Variants in PITPNC1 observed in about 807,000 individuals in gnomAD.
PITPNC1 encodes phosphatidylinositol transfer protein cytoplasmic 1.
Under a neutral mutation model 44.7 loss-of-function variants are expected in PITPNC1, and 18 were observed. The observed-to-expected ratio is 0.40, with a 90% confidence interval of 0.28 to 0.60. The LOEUF is 0.60. Ranked by LOEUF, PITPNC1 falls within the 20% of genes least tolerant of loss-of-function variation. The pLI is 0.39. For synonymous variants in PITPNC1, 141 were observed against 149.6 expected (o/e 0.94, Z 0.42); for missense variants, 290 against 418.4 (o/e 0.69, Z 2.68).
intron 1 of PITPNC1, among the ~76,000 whole-genome samples, chr17:67,454,986 A>C (rs1340440405): frequency 6.6e-6 from 1 of 151,716 alleles, no homozygotes; most frequent in Non-Finnish European, 1.5e-5. Context: ...GGCCTGGCTA[A>C]TTTTTATTAT....
chr17:67,454,216 A>G lies in PITPNC1; in HGVS notation c.48+76014A>G, dbSNP rs536911705. ...CAGTGAGCCAAGATTGTGCCACTGC[A>G]CTATAGCCTGGGACACAGAGCAAGA... On this transcript the variant is annotated intron_variant, in intron 1 of 8. Coordinates refer to ENST00000581322, the MANE Select transcript of PITPNC1 (RefSeq NM_012417.4). Among the ~76,000 whole-genome samples the G allele has an allele frequency of 4.0e-5, 6 of 151,724 alleles. No individual in the cohort carries two copies. In the East Asian group the frequency reaches 7.8e-4, roughly 20 times the overall value.
chr17:67,545,118 C>G (rs2040660172), intron 2 of PITPNC1, among the ~76,000 whole-genome samples: 2 of 151,842 alleles, frequency 1.3e-5, no homozygotes, highest in Admixed American at 1.3e-4. Context: ...TCGAGACAAG[C>G]CTGGGCAACA....
At chr17:67,438,969 T>TA (rs888904773) in intron 1 of PITPNC1, among the ~76,000 whole-genome samples, 2 of 152,088 alleles carry the variant, frequency 1.3e-5, no homozygotes, top group Non-Finnish European at 2.9e-5. Context: ...TTTTTTAAAT[T>TA]AAAAAAATGA....
intron 6 of PITPNC1, among the ~76,000 whole-genome samples, chr17:67,632,751 A>G (rs969637764): frequency 2.6e-5 from 4 of 151,894 alleles, no homozygotes; most frequent in Non-Finnish European, 4.4e-5. Flanking sequence ...TATTTTTAGT[A>G]GAGATGGGGT....
rs375037265 is a variant in PITPNC1 at position 67,667,046 on chromosome 17, GACCCC to G, written c.463-2461_463-2457del. Among the ~76,000 whole-genome samples, 154 of 152,290 alleles carry G rather than the reference GACCCC, an allele frequency of 1.0e-3. 3 individuals are homozygous for G. The East Asian group carries it at 0.024, about 23-fold the overall frequency. On this transcript the variant is annotated intron_variant, in intron 6 of 8. Transcript: ENST00000581322. ...TCATCCTATCTACTTCTCAACACAG[GACCCC>G]TTGACTGCCAGGTTTCTCCTGGGAG...
chr17:67,492,011 T>TAAAA (rs1163294181), intron 1 of PITPNC1, among the ~76,000 whole-genome samples: 1 of 145,646 alleles, frequency 6.9e-6, no homozygotes, highest in East Asian at 2.0e-4. Context: ...TCTTTTTTTT[T>TAAAA]TAAAAAAAAA....
At chr17:67,519,531 G>C (rs1462140488) in intron 1 of PITPNC1, among the ~76,000 whole-genome samples, 1 of 152,118 alleles carries the variant, frequency 6.6e-6, no homozygotes, top group African/African-American at 2.4e-5. Flanking sequence ...CAAACTTACT[G>C]TTTTCCCTGT....
At chr17:67,497,269 G>A (rs929511176) in intron 1 of PITPNC1, among the ~76,000 whole-genome samples, 1 of 151,036 alleles carries the variant, frequency 6.6e-6, no homozygotes, top group Admixed American at 6.6e-5. Flanking sequence ...GCCCAGGCTG[G>A]AGTGCAATGG....
intron 1 of PITPNC1, among the ~76,000 whole-genome samples, chr17:67,416,203 C>CTTT (rs71687631): frequency 0.011 from 725 of 67,600 alleles, 78 homozygotes; most frequent in African/African-American, 0.026. Context: ...ACATGTATTG[C>CTTT]TTTTTTTTTT....
chr17:67,509,886 T>C (rs1381090022), intron 1 of PITPNC1, among the ~76,000 whole-genome samples: 1 of 152,146 alleles, frequency 6.6e-6, no homozygotes, highest in African/African-American at 2.4e-5. Context: ...ATGACGTCAT[T>C]TCTATGAATG....
intron 8 of PITPNC1, chr17:67,686,933 A>G (rs375154205): frequency 1.6e-6 from 1 of 623,644 alleles, no homozygotes; most frequent in Non-Finnish European, 2.9e-6. Flanking sequence ...TGACTTACTC[A>G]TCATAAAGTT....
rs1442010835 is a variant in PITPNC1 at position 67,513,487 on chromosome 17, G to GTATATA, written c.49-19314_49-19313insATATAT. On this transcript the variant is annotated intron_variant, in intron 1 of 8. Transcript: ENST00000581322. ...CTATATTTTTACTATATGTGTGTGT[G>GTATATA]TGTATATATATATATATATATATAT... Among the ~76,000 whole-genome samples, 609 of 136,900 alleles carry GTATATA rather than the reference G, an allele frequency of 4.4e-3. 8 individuals are homozygous for GTATATA. The highest frequency in any genetic ancestry group is 0.018 in the African/African-American group (587 of 32,980). 89.8% of individuals were successfully genotyped at this position (136,900 alleles called of 152,430 possible).
intron 1 of PITPNC1, among the ~76,000 whole-genome samples, chr17:67,393,213 A>T (rs2038164649): frequency 6.6e-6 from 1 of 151,946 alleles, no homozygotes; most frequent in South Asian, 2.1e-4. Context: ...GTACAGTTTC[A>T]GTAGAATTGG....
chr17:67,476,103 G>A (rs911998009), intron 1 of PITPNC1, among the ~76,000 whole-genome samples: 2 of 151,846 alleles, frequency 1.3e-5, no homozygotes, highest in Non-Finnish European at 2.9e-5. Context: ...GACTAAATTT[G>A]TCTTGATACC....
At chr17:67,400,661 A>G (rs906478694) in intron 1 of PITPNC1, among the ~76,000 whole-genome samples, 2 of 151,960 alleles carry the variant, frequency 1.3e-5, no homozygotes, top group African/African-American at 4.8e-5. Flanking sequence ...ATTTTTTGTA[A>G]CCAGAGCCCT....
intron 6 of PITPNC1, among the ~76,000 whole-genome samples, chr17:67,645,290 A>G (rs2042135101): frequency 6.6e-6 from 1 of 151,662 alleles, no homozygotes; most frequent in African/African-American, 2.4e-5. Flanking sequence ...GCGGTGAGCC[A>G]AGATCGCGCC....
intron 6 of PITPNC1, among the ~76,000 whole-genome samples, chr17:67,636,281 C>CAAAAAA (rs4020398): frequency 1.3e-5 from 1 of 77,344 alleles, no homozygotes; most frequent in African/African-American, 4.1e-5. Context: ...GACTCCGTTT[C>CAAAAAA]AAAAAAAAAA....
intron 1 of PITPNC1, among the ~76,000 whole-genome samples, chr17:67,454,337 A>G (rs1048455835): frequency 2.0e-5 from 3 of 151,992 alleles, no homozygotes; most frequent in African/African-American, 7.2e-5. Flanking sequence ...CTTATTAACT[A>G]TGTGATCTTT....
intron 6 of PITPNC1, among the ~76,000 whole-genome samples, chr17:67,663,574 A>C (rs2042379624): frequency 6.7e-6 from 1 of 150,302 alleles, no homozygotes; most frequent in Non-Finnish European, 1.5e-5. Context: ...TCTCAAAAAA[A>C]AAGGACAAAA....
Sources: gnomAD v4.1 joint callset for allele counts (sites outside exome capture counted in the v4.1 genomes callset) on GRCh38, gnomAD v4.1.1 for gene constraint, MANE v1.5 for transcripts, NCBI Gene and HGNC (gene_info 2026-07-23, HGNC 2026-07-21) for gene names.